Variants in CADM1 observed in about 807,000 individuals in gnomAD.
CADM1 encodes the protein TSLC-1.
A neutral mutation model predicts 53.1 loss-of-function variants in CADM1; 15 were observed. The ratio of observed to expected loss-of-function variants is 0.28; its 90% CI spans 0.19 to 0.44. The LOEUF is 0.44. Among genes scored for constraint, CADM1 ranks in the 20% least tolerant of loss-of-function variants. CADM1 has a pLI of 1.00. For missense variants in CADM1, 434 were observed against 611.3 expected (o/e 0.71, Z 3.06); for synonymous variants, 281 against 243.0 (o/e 1.16, Z -1.45).
chr11:115,208,228 A>C (rs1393478531), intron 8 of CADM1, among the ~76,000 whole-genome samples: 4 of 152,358 alleles, frequency 2.6e-5, no homozygotes, highest in East Asian at 1.9e-4. Flanking sequence ...TTTTAAATTA[A>C]GTGCTGGCAC....
intron 9 of CADM1, among the ~76,000 whole-genome samples, chr11:115,194,550 A>G (rs1421293977): frequency 1.3e-5 from 2 of 152,242 alleles, no homozygotes; most frequent in East Asian, 3.8e-4. Flanking sequence ...AGAACAATTT[A>G]AAAACTCATT....
chr11:115,218,202 G>C (rs1433981594), intron 5 of CADM1: 4 of 558,488 alleles, frequency 7.2e-6, no homozygotes, highest in Non-Finnish European at 1.3e-5. Flanking sequence ...ATAGATAAGA[G>C]ATTCATAAGC....
At chr11:115,477,856 A>G (rs1323377387) in intron 1 of CADM1, among the ~76,000 whole-genome samples, 1 of 152,264 alleles carries the variant, frequency 6.6e-6, no homozygotes, top group East Asian at 1.9e-4. Flanking sequence ...AGTGCAATGG[A>G]GGCAGAATCT....
intron 1 of CADM1, among the ~76,000 whole-genome samples, chr11:115,259,250 TGCTGGAATTACAG>T (rs1267337017): frequency 2.0e-5 from 3 of 147,764 alleles, no homozygotes; most frequent in Non-Finnish European, 4.5e-5. Context: ...GCTCCCAAAG[TGCTGGAATTACAG>T]GCGTGCGCCA....
chr11:115,328,712 ATG>A (rs1256763260), intron 1 of CADM1, among the ~76,000 whole-genome samples: 1 of 114,220 alleles, frequency 8.8e-6, no homozygotes, highest in African/African-American at 3.2e-5. Flanking sequence ...GTATATATAT[ATG>A]TGTATATATA....
chr11:115,487,269 C>G (rs1949395800), intron 1 of CADM1, among the ~76,000 whole-genome samples: 1 of 152,114 alleles, frequency 6.6e-6, no homozygotes, highest in Non-Finnish European at 1.5e-5. Flanking sequence ...GGAACTAGCA[C>G]CAGATAAACG....
At chr11:115,372,290 C>G (rs2135127633) in intron 1 of CADM1, among the ~76,000 whole-genome samples, 1 of 152,300 alleles carries the variant, frequency 6.6e-6, no homozygotes, top group Non-Finnish European at 1.5e-5. Flanking sequence ...ACAGAATTCT[C>G]ACTTCCTTCT....
At chr11:115,471,719 G>A (rs987342897) in intron 1 of CADM1, among the ~76,000 whole-genome samples, 1 of 152,180 alleles carries the variant, frequency 6.6e-6, no homozygotes, top group Admixed American at 6.5e-5. Flanking sequence ...GGCTGAGATC[G>A]GAGGAGAGAT....
intron 1 of CADM1, among the ~76,000 whole-genome samples, chr11:115,344,234 A>G (rs190920779): frequency 6.7e-6 from 1 of 150,110 alleles, no homozygotes; most frequent in Non-Finnish European, 1.5e-5. Context: ...CCAAATTGCA[A>G]GAGTAAAATC....
chr11:115,243,135 T>A (rs1942298557), intron 1 of CADM1, among the ~76,000 whole-genome samples: 1 of 152,230 alleles, frequency 6.6e-6, no homozygotes, highest in Non-Finnish European at 1.5e-5. Context: ...TATTTTAATG[T>A]GTCACTACTG....
chr11:115,295,900 G>C (rs190454921), intron 1 of CADM1, among the ~76,000 whole-genome samples: 1 of 152,034 alleles, frequency 6.6e-6, no homozygotes, highest in Non-Finnish European at 1.5e-5. Context: ...TTCCTCATTT[G>C]TCAATGCTTA....
chr11:115,186,781 T>G (rs930647068), intron 10 of CADM1, among the ~76,000 whole-genome samples: 1 of 152,208 alleles, frequency 6.6e-6, no homozygotes, highest in African/African-American at 2.4e-5. Flanking sequence ...CTCCACCTTC[T>G]TCCAGCCCCA....
At chr11:115,460,227 G>A (rs776241390) in intron 1 of CADM1, among the ~76,000 whole-genome samples, 2 of 152,076 alleles carry the variant, frequency 1.3e-5, no homozygotes, top group Non-Finnish European at 2.9e-5. Flanking sequence ...GAAGGACACC[G>A]CACACCCACC....
At chr11:115,307,517 A>AAGT in intron 1 of CADM1, among the ~76,000 whole-genome samples, 1 of 144,302 alleles carries the variant, frequency 6.9e-6, no homozygotes, top group East Asian at 2.1e-4. Context: ...GGAAAAAAAA[A>AAGT]ATATATATAT....
chr11:115,468,636 T>C (rs1029382383), intron 1 of CADM1, among the ~76,000 whole-genome samples: 2 of 152,098 alleles, frequency 1.3e-5, no homozygotes, highest in Non-Finnish European at 2.9e-5. Context: ...TGTAGTTTTG[T>C]GGGTTTTGAG....
chr11:115,320,655 T>G (rs533656178), intron 1 of CADM1, among the ~76,000 whole-genome samples: 9 of 152,040 alleles, frequency 5.9e-5, no homozygotes, highest in African/African-American at 2.2e-4. Flanking sequence ...TTATCTTCAA[T>G]GCTTGAGTAT....
At chr11:115,336,198 G>A (rs1018781026) in intron 1 of CADM1, among the ~76,000 whole-genome samples, 1 of 151,998 alleles carries the variant, frequency 6.6e-6, no homozygotes, top group African/African-American at 2.4e-5. Flanking sequence ...TGACTTCTAG[G>A]ACAGTTTAGT....
intron 1 of CADM1, among the ~76,000 whole-genome samples, chr11:115,482,448 TACAC>T (rs760354215): frequency 1.3e-5 from 2 of 152,124 alleles, no homozygotes; most frequent in African/African-American, 4.8e-5. Context: ...CACAAACACA[TACAC>T]ACACAGACAT....
At chr11:115,228,111 T>A (rs1056958151) in intron 5 of CADM1, among the ~76,000 whole-genome samples, 2 of 151,450 alleles carry the variant, frequency 1.3e-5, no homozygotes, top group African/African-American at 2.4e-5. Context: ...GAGAGTGGAG[T>A]GGTGAAGCCA....
Sources: allele counts gnomAD v4.1 joint callset (sites outside exome capture counted in the v4.1 genomes callset), GRCh38; gene constraint gnomAD v4.1.1; transcripts MANE v1.5; gene names NCBI Gene and HGNC (gene_info 2026-07-23, HGNC 2026-07-21).